EFCAB5: variants seen among roughly 807,000 people sequenced by gnomAD.
EFCAB5 encodes the protein EF-hand calcium-binding domain-containing protein 5.
A neutral mutation model predicts 167.9 loss-of-function variants in EFCAB5; 131 were observed. That is an observed-to-expected ratio of 0.78 (90% CI 0.68 to 0.90). The LOEUF (loss-of-function observed/expected upper bound fraction) is 0.90, where lower values mean the gene tolerates loss of function less well. Ranked by LOEUF, EFCAB5 falls within the 40% of genes least tolerant of loss-of-function variation. The probability of loss-of-function intolerance (pLI) is 0.00; values close to 1 mark genes in which losing one functional copy is unlikely to be tolerated. For missense variants in EFCAB5, 1,663 were observed against 1,745.2 expected (o/e 0.95, Z 0.84); for synonymous variants, 574 against 602.8 (o/e 0.95, Z 0.70).
At chr17:30,078,743 G>A (rs146136887) in intron 15 of EFCAB5, among the ~76,000 whole-genome samples, 1 of 152,174 alleles carries the variant, frequency 6.6e-6, no homozygotes, top group Admixed American at 6.5e-5. Flanking sequence ...ATGTAGAAAA[G>A]ATGTCTTGGG....
chr17:30,021,121 A>G (rs2069168055), intron 7 of EFCAB5, among the ~76,000 whole-genome samples: 1 of 150,804 alleles, frequency 6.6e-6, no homozygotes, highest in South Asian at 2.1e-4. Flanking sequence ...TGGTTTGTCT[A>G]CATGATAGGA....
At chr17:30,021,911 A>G (rs1487440764) in intron 7 of EFCAB5, among the ~76,000 whole-genome samples, 1 of 152,178 alleles carries the variant, frequency 6.6e-6, no homozygotes, top group Non-Finnish European at 1.5e-5. Context: ...TGGAGATACT[A>G]TGTCATACAA....
chr17:30,040,201 G>C (rs1369225571), intron 8 of EFCAB5, among the ~76,000 whole-genome samples: 1 of 152,160 alleles, frequency 6.6e-6, no homozygotes, highest in Non-Finnish European at 1.5e-5. Context: ...CTCTTTCTCT[G>C]CTATTTCCTG....
At chr17:30,053,033 C>A (rs1312876354) in intron 9 of EFCAB5, among the ~76,000 whole-genome samples, 3 of 152,168 alleles carry the variant, frequency 2.0e-5, no homozygotes, top group Non-Finnish European at 4.4e-5. Context: ...CAAAATCACA[C>A]CTTTTAGGAA....
At chr17:29,930,406 G>A (rs1164140821) in intron 1 of EFCAB5, 2 of 201,890 alleles carry the variant, frequency 9.9e-6, no homozygotes, top group African/African-American at 4.7e-5. Context: ...CCAGCACTGG[G>A]TGCTGTGGAG....
intron 19 of EFCAB5, 107 bp downstream of exon 19, chr17:30,087,273 A>C: frequency 1.3e-6 from 1 of 798,314 alleles, no homozygotes; most frequent in Non-Finnish European, 2.0e-6. Context: ...GCTGACTTTT[A>C]TTCTTTCTTT....
rs1197339314 is a variant in EFCAB5 at position 30,059,601 on chromosome 17, G to A, written c.2637G>A (p.Gln879=). The part of the protein sequence containing the change: ...RQRLLLEAIF[Q]KWDSDGSGFL... ...GGCTTCTCCTAGAAGCCATCTTTCA[G>A]AAGTGGGACAGTGATGGCTCAGGCT... The change falls in exon 14 of 23, where the codon CAG becomes CAA. Residue 879 remains glutamine (Q), a synonymous_variant. Coordinates refer to ENST00000394835, the MANE Select transcript of EFCAB5 (RefSeq NM_198529.4). 2.5e-6 allele frequency: 4 copies of A among 1,611,654 alleles called. No homozygotes were observed. The East Asian group carries it at 8.9e-5, about 36-fold the overall frequency.
chr17:29,942,372 TAAAAG>T (rs1422365924), intron 2 of EFCAB5, 70 bp downstream of exon 2: 4 of 1,358,536 alleles, frequency 2.9e-6, no homozygotes, highest in Non-Finnish European at 3.9e-6. Context: ...TTTCTTATGA[TAAAAG>T]AAAAGATGTG....
Position 30,034,400 on chromosome 17 carries a change from T to C in EFCAB5, c.1200+15T>C. On this transcript the variant is annotated intron_variant, in intron 8 of 22. Coordinates refer to ENST00000394835, the MANE Select transcript of EFCAB5 (RefSeq NM_198529.4). ...ACCACGGGAAGGTGGGTTAAGACAT[T>C]TAAATAATTGCTTCTTGGCCAGACA... The C allele has an allele frequency of 2.6e-6, 4 of 1,568,122 alleles. No homozygotes were observed. Among genetic ancestry groups the C allele is most frequent in the Non-Finnish European group, 2.6e-6 (3 of 1,154,814 alleles).
chr17:30,102,417 C>T (rs765243801), intron 22 of EFCAB5, among the ~76,000 whole-genome samples: 22 of 152,042 alleles, frequency 1.4e-4, no homozygotes, highest in Non-Finnish European at 2.8e-4. Flanking sequence ...GTCACCCAGG[C>T]TGGAGTGCAG....
rs969952359 is a variant in EFCAB5, at chr17:30,102,104, G to A, written c.4322-5730G>A. Among the ~76,000 whole-genome samples the A allele has an allele frequency of 6.0e-5, 9 of 149,608 alleles. No homozygotes were observed. In the East Asian group the frequency reaches 1.7e-3, roughly 29 times the overall value. ...ACAGAGAACATGGGTGCAGATGAGA[G>A]TGAGTGGGTAGGTGTGCTGGTAGAA... On this transcript the variant is annotated intron_variant, in intron 22 of 22. Transcript: ENST00000394835.
chr17:30,073,293 G>A (rs967066276), intron 14 of EFCAB5: 1 of 567,078 alleles, frequency 1.8e-6, no homozygotes, highest in Non-Finnish European at 3.1e-6. Context: ...CTGGCCTTAA[G>A]CAATCCTCTC....
chr17:30,104,196 G>T (rs913685124), intron 22 of EFCAB5, among the ~76,000 whole-genome samples: 2 of 152,204 alleles, frequency 1.3e-5, no homozygotes, highest in African/African-American at 4.8e-5. Flanking sequence ...ATCTTGGATT[G>T]TTAGTTGAAA....
chr17:30,077,289 T>A (rs1235218573), intron 14 of EFCAB5, among the ~76,000 whole-genome samples: 1 of 152,024 alleles, frequency 6.6e-6, no homozygotes, highest in Non-Finnish European at 1.5e-5. Context: ...GCTACAGAGC[T>A]AGACTCAGTC....
intron 8 of EFCAB5, among the ~76,000 whole-genome samples, chr17:30,041,282 G>T (rs1195821568): frequency 6.6e-6 from 1 of 152,066 alleles, no homozygotes; most frequent in East Asian, 1.9e-4. Flanking sequence ...ATTCATGGGA[G>T]GAGGTCAAAA....
intron 7 of EFCAB5, among the ~76,000 whole-genome samples, chr17:30,023,286 A>G (rs1485161787): frequency 6.6e-6 from 1 of 152,200 alleles, no homozygotes; most frequent in East Asian, 1.9e-4. Context: ...AGCACTAGCA[A>G]GACTAATAAA....
At chr17:30,063,375 T>G (rs921256319) in intron 14 of EFCAB5, among the ~76,000 whole-genome samples, 1 of 152,140 alleles carries the variant, frequency 6.6e-6, no homozygotes, top group Non-Finnish European at 1.5e-5. Context: ...GAGTTGCCTT[T>G]GAGTTTTATT....
chr17:29,977,958 CA>C (rs2068093899), intron 4 of EFCAB5, among the ~76,000 whole-genome samples: 1 of 152,042 alleles, frequency 6.6e-6, no homozygotes, highest in Admixed American at 6.6e-5. Flanking sequence ...AAATCTGCTT[CA>C]AAGTACTTTT....
intron 14 of EFCAB5, among the ~76,000 whole-genome samples, chr17:30,076,387 A>T (rs1179269369): frequency 2.0e-5 from 3 of 152,246 alleles, no homozygotes; most frequent in Admixed American, 6.5e-5. Flanking sequence ...GTGGAACCCC[A>T]TTCAAACACA....
Sources: allele counts gnomAD v4.1 joint callset (sites outside exome capture counted in the v4.1 genomes callset), GRCh38; gene constraint gnomAD v4.1.1; transcripts MANE v1.5; gene names NCBI Gene and HGNC (gene_info 2026-07-23, HGNC 2026-07-21).